The following OR2D3 variants were observed in gnomAD, a reference collection of about 807,000 sequenced individuals.
OR2D3 encodes the protein olfactory receptor family 2 subfamily D member 3, also known as olfactory receptor 2D3.
For synonymous variants in OR2D3, 154 were observed against 145.8 expected, an observed-to-expected ratio of 1.06 and a Z score of -0.40; for missense variants, 409 against 388.8, an observed-to-expected ratio of 1.05 and a Z score of -0.44.
Position 6,921,738 on chromosome 11 carries a change from C to A in OR2D3, c.737C>A (p.Ser246Tyr), listed in dbSNP as rs1416428946. The change falls in exon 1 of 1, where the codon TCT becomes TAT. Residue 246 changes from serine to tyrosine, a missense_variant. By Grantham distance (144) the Ser-to-Tyr change is moderately radical. Transcript: ENST00000317834. ...ATCTCCACTGTTATCCAGATGCAGT[C>A]TGGGGAAGGGAGACTCAAGGCTTTT... ...NIISTVIQMQSGEGRLKAFST... is the reference protein window; with the variant it reads ...NIISTVIQMQYGEGRLKAFST... The A allele has an allele frequency of 6.5e-7, 1 of 1,535,988 alleles. No homozygotes were observed. The highest frequency in any genetic ancestry group is 1.4e-5 in the African/African-American group (1 of 72,118).
In OR2D3 at chr11:6,921,985, T is replaced by G; in HGVS notation, c.984T>G (p.His328Gln). Residue 328 changes from histidine to glutamine, a missense_variant, in exon 1 of 1, where the codon CAT (histidine) becomes CAG (glutamine). By Grantham distance (24) the His-to-Gln change is conservative. Transcript: ENST00000317834. The stretch of plus-strand genomic sequence containing the variant: ...TAGTTGGGAGAAAGTGCTTCTCTCA[T>G]AGGCAGTGACCTCTGAGTCTGACTT... ...RKLVGRKCFS[H>Q]RQ is the part of the protein sequence containing the mutation. 6.2e-7 allele frequency: 1 copy of G among 1,613,524 alleles called. No homozygotes were observed. The highest frequency in any genetic ancestry group is 1.1e-5 in the South Asian group (1 of 90,946).
rs763609016 is a variant in OR2D3, at chr11:6,921,147, T to G, written c.146T>G (p.Ile49Ser). ...ATCCTGCTATTTATCCTTTTCCTCA[T>G]CATTTATCTGCTGACCGTGCTTGGA... ...TQILLFILFL[I>S]IYLLTVLGNQ... Residue 49 changes from isoleucine to serine, a missense_variant, in exon 1 of 1, where the codon ATC becomes AGC. Transcript: ENST00000317834. 1.2e-6 allele frequency: 2 copies of G among 1,614,200 alleles called. No homozygotes were observed. The highest frequency in any genetic ancestry group is 1.7e-6 in the Non-Finnish European group (2 of 1,180,018).
At position 6,921,810 on chromosome 11, in the gene OR2D3, C is replaced by T. The variant is rs540097297; in HGVS notation, c.809C>T (p.Ser270Leu). The change falls in exon 1 of 1, where the codon TCA (serine) becomes TTA (leucine). Residue 270 changes from serine (S) to leucine (L), a missense_variant. Physicochemically the swap from Ser to Leu is moderately radical, Grantham distance 145 (BLOSUM62 -2). Coordinates refer to ENST00000317834, the MANE Select transcript of OR2D3 (RefSeq NM_001004684.1). ...ATTGTTGTTGTCCTCTTCTATGGGT[C>T]AGGAATATTCACCTACATGCGACCA... ...HLIVVVLFYG[S>L]GIFTYMRPNS... The T allele has an allele frequency of 8.2e-6, 13 of 1,579,522 alleles. No individual in the cohort carries two copies. In the East Asian group the frequency reaches 2.2e-4, roughly 27 times the overall value.
At position 6,921,187 on chromosome 11, in the gene OR2D3, C is replaced by T; in HGVS notation, c.186C>T (p.Ile62=). The change falls in exon 1 of 1, where the codon ATC becomes ATT. Residue 62 remains isoleucine, a synonymous_variant. Transcript: ENST00000317834. ...LLTVLGNQLI[I]ILIFLDSRLH... ...CCGTGCTTGGAAACCAGCTCATCAT[C>T]ATTCTCATCTTCCTGGATTCTCGCC... 1.2e-6 allele frequency: 2 copies of T among 1,614,082 alleles called. No individual in the cohort carries two copies. The highest frequency in any genetic ancestry group is 8.5e-7 in the Non-Finnish European group (1 of 1,179,974).
rs372928530 is a variant in OR2D3, at chr11:6,921,163, C to T, written c.162C>T (p.Thr54=). 8.1e-5 allele frequency: 131 copies of T among 1,613,962 alleles called. No individual in the cohort carries two copies. The highest frequency in any genetic ancestry group is 1.0e-4 in the Non-Finnish European group (119 of 1,180,006). ...FILFLIIYLL[T]VLGNQLIIIL... ...TTTTCCTCATCATTTATCTGCTGAC[C>T]GTGCTTGGAAACCAGCTCATCATCA... is the stretch of plus-strand genomic sequence containing the variant. The change falls in exon 1 of 1, where the codon ACC becomes ACT. Residue 54 remains threonine (T), a synonymous_variant. Coordinates refer to ENST00000317834, the MANE Select transcript of OR2D3 (RefSeq NM_001004684.1).
Position 6,921,950 on chromosome 11 carries a change from C to G in OR2D3, c.949C>G (p.Leu317Val). 2.5e-6 allele frequency: 4 copies of G among 1,614,168 alleles called. No individual in the cohort carries two copies. The highest frequency in any genetic ancestry group is 3.4e-6 in the Non-Finnish European group (4 of 1,180,020). ...GAGGAACAAAGATGTCAAAGGGGCTCTCAGGAAACTAGTTGGGAGAAAGTG... is the reference window on the plus strand; with the variant it reads ...GAGGAACAAAGATGTCAAAGGGGCTGTCAGGAAACTAGTTGGGAGAAAGTG... ...SLRNKDVKGALRKLVGRKCFS... is the reference protein window; with the variant it reads ...SLRNKDVKGAVRKLVGRKCFS... Residue 317 changes from leucine to valine, a missense_variant, in exon 1 of 1, where the codon CTC becomes GTC. By Grantham distance (32) the Leu-to-Val change is conservative. Coordinates refer to ENST00000317834, the MANE Select transcript of OR2D3 (RefSeq NM_001004684.1).
Position 6,921,658 on chromosome 11 carries a change from C to A in OR2D3, c.657C>A (p.Gly219=). ...CAGAAATGGCCATCTTTTCAATGGG[C>A]GTGGTAATCCTCCTGGCCCCTGTCT... ...YSTEMAIFSM[G]VVILLAPVSL... The change falls in exon 1 of 1, where the codon GGC becomes GGA. Residue 219 remains glycine (G), a synonymous_variant. Transcript: ENST00000317834. 1 of 1,577,186 alleles carries A rather than the reference C, an allele frequency of 6.3e-7. No homozygotes were observed. Among genetic ancestry groups the A allele is most frequent in the Admixed American group, 1.8e-5 (1 of 55,336 alleles).
In OR2D3 at chr11:6,921,732, T is replaced by G; in HGVS notation, c.731T>G (p.Met244Arg). 1.3e-6 allele frequency: 2 copies of G among 1,537,410 alleles called. No homozygotes were observed. The highest frequency in any genetic ancestry group is 1.7e-6 in the Non-Finnish European group (2 of 1,146,128). The change falls in exon 1 of 1, where the codon ATG (methionine) becomes AGG (arginine). Residue 244 changes from methionine (M) to arginine (R), a missense_variant. Physicochemically the swap from Met to Arg is moderately conservative, Grantham distance 91. Coordinates refer to ENST00000317834, the MANE Select transcript of OR2D3 (RefSeq NM_001004684.1). Reference sequence around the variant, plus strand: ...AATATTATCTCCACTGTTATCCAGATGCAGTCTGGGGAAGGGAGACTCAAG... The same window carrying G: ...AATATTATCTCCACTGTTATCCAGAGGCAGTCTGGGGAAGGGAGACTCAAG... The part of the protein sequence containing the change: ...YWNIISTVIQ[M>R]QSGEGRLKAF...
Position 6,921,981 on chromosome 11 carries a change from C to G in OR2D3, c.980C>G (p.Ser327Cys), listed in dbSNP as rs767200797. The change falls in exon 1 of 1, where the codon TCT becomes TGT. Residue 327 changes from serine to cysteine, a missense_variant. Ser to Cys is a moderately radical substitution (Grantham distance 112). Transcript: ENST00000317834. ...AAACTAGTTGGGAGAAAGTGCTTCT[C>G]TCATAGGCAGTGACCTCTGAGTCTG... is the stretch of plus-strand genomic sequence containing the variant. ...LRKLVGRKCF[S>C]HRQ 6.2e-7 allele frequency: 1 copy of G among 1,613,824 alleles called. No individual in the cohort carries two copies. The highest frequency in any genetic ancestry group is 1.7e-4 in the Middle Eastern group (1 of 6,058).
At position 6,921,993 on chromosome 11, in the gene OR2D3, G is replaced by T; in HGVS notation, c.992G>T (p.Ter331LeuextTer?). The part of the protein sequence containing the change: ...VGRKCFSHRQ[*>L] ...AGAAAGTGCTTCTCTCATAGGCAGT[G>T]ACCTCTGAGTCTGACTTTTAGAGCT... is the stretch of plus-strand genomic sequence containing the variant. Residue 331 changes from the stop codon to leucine, a stop_lost, in exon 1 of 1, where the codon TGA becomes TTA. Transcript: ENST00000317834. 6.2e-7 allele frequency: 1 copy of T among 1,611,864 alleles called. No individual in the cohort carries two copies.
In OR2D3 at chr11:6,921,547, T is replaced by A. The variant is rs1848950252; in HGVS notation, c.546T>A (p.Leu182=). Reference sequence around the variant, plus strand: ...TAGATACCAGCTTTACTTTCCATCTTCCCTACTGGGGACAGAATATAATCA... The same window carrying A: ...TAGATACCAGCTTTACTTTCCATCTACCCTACTGGGGACAGAATATAATCA... ...SLVDTSFTFH[L]PYWGQNIINH... is the part of the protein sequence containing the mutation. Residue 182 remains leucine, a synonymous_variant, in exon 1 of 1, where the codon CTT becomes CTA. Coordinates refer to ENST00000317834, the MANE Select transcript of OR2D3 (RefSeq NM_001004684.1). 6.2e-7 allele frequency: 1 copy of A among 1,613,996 alleles called. No homozygotes were observed. The highest frequency in any genetic ancestry group is 1.3e-5 in the African/African-American group (1 of 74,910).
Position 6,921,440 on chromosome 11 carries a change from T to C in OR2D3, c.439T>C (p.Tyr147His). 1 of 1,613,228 alleles carries C rather than the reference T, an allele frequency of 6.2e-7. No homozygotes were observed. The highest frequency in any genetic ancestry group is 8.5e-7 in the Non-Finnish European group (1 of 1,179,562). ...DRYVAVCKPL[Y>H]YSTIMTQRVC... ...GTATGTGGCTGTCTGCAAGCCCCTGTACTACTCTACCATCATGACACAACG... is the reference window on the plus strand; with the variant it reads ...GTATGTGGCTGTCTGCAAGCCCCTGCACTACTCTACCATCATGACACAACG... Residue 147 changes from tyrosine (Y) to histidine (H), a missense_variant, in exon 1 of 1, where the codon TAC becomes CAC. Transcript: ENST00000317834.
In OR2D3 at chr11:6,921,545, C is replaced by T; in HGVS notation, c.544C>T (p.Leu182Phe). The T allele has an allele frequency of 6.2e-7, 1 of 1,614,196 alleles. No homozygotes were observed. The highest frequency in any genetic ancestry group is 1.1e-5 in the South Asian group (1 of 91,080). The change falls in exon 1 of 1, where the codon CTT (leucine) becomes TTT (phenylalanine). Residue 182 changes from leucine (L) to phenylalanine (F), a missense_variant. Coordinates refer to ENST00000317834, the MANE Select transcript of OR2D3 (RefSeq NM_001004684.1). ...SLVDTSFTFH[L>F]PYWGQNIINH... is the part of the protein sequence containing the mutation. ...AGTAGATACCAGCTTTACTTTCCAT[C>T]TTCCCTACTGGGGACAGAATATAAT...
In OR2D3 at chr11:6,921,626, T is replaced by TA; in HGVS notation, c.626dup (p.Tyr209Ter). 1 of 1,602,890 alleles carries TA rather than the reference T, an allele frequency of 6.2e-7. No individual in the cohort carries two copies. Among genetic ancestry groups the TA allele is most frequent in the Non-Finnish European group, 8.5e-7 (1 of 1,174,894 alleles). ...ALLKLASIDT[Y>*]STEMAIFSMG... is the part of the protein sequence containing the mutation. ...CCTGAAGCTGGCTTCCATAGACACT[T>TA]ACAGCACAGAAATGGCCATCTTTTC... The change falls in exon 1 of 1, where the codon TAC (tyrosine) becomes TAAC (stop). Residue 209 changes from tyrosine (Y) to a stop codon, truncating the protein, a stop_gained and frameshift_variant. Coordinates refer to ENST00000317834, the MANE Select transcript of OR2D3 (RefSeq NM_001004684.1). LOFTEE classifies it high-confidence loss of function.
Position 6,921,911 on chromosome 11 carries a change from A to G in OR2D3, c.910A>G (p.Ile304Val). The G allele has an allele frequency of 1.2e-6, 2 of 1,614,160 alleles. No homozygotes were observed. The highest frequency in any genetic ancestry group is 8.5e-7 in the Non-Finnish European group (1 of 1,180,014). The change falls in exon 1 of 1, where the codon ATA (isoleucine) becomes GTA (valine). Residue 304 changes from isoleucine (I) to valine (V), a missense_variant. Transcript: ENST00000317834. Reference sequence around the variant, plus strand: ...AGCGGTGACTCCAATGTTGAACCCCATAATTTATAGCTTGAGGAACAAAGA... The same window carrying G: ...AGCGGTGACTCCAATGTTGAACCCCGTAATTTATAGCTTGAGGAACAAAGA... ...YTAVTPMLNP[I>V]IYSLRNKDVK... is the part of the protein sequence containing the mutation.
chr11:6,921,020 T>C lies in OR2D3; in HGVS notation c.19T>C (p.Cys7Arg), dbSNP rs1848941435. 1.9e-6 allele frequency: 3 copies of C among 1,579,582 alleles called. No individual in the cohort carries two copies. The highest frequency in any genetic ancestry group is 2.6e-6 in the Non-Finnish European group (3 of 1,166,064). The change falls in exon 1 of 1, where the codon TGC (cysteine) becomes CGC (arginine). Residue 7 changes from cysteine to arginine, a missense_variant. Coordinates refer to ENST00000317834, the MANE Select transcript of OR2D3 (RefSeq NM_001004684.1). The part of the protein sequence containing the change: MCSFFL[C>R]QTGKQAKISM... ...CAAAAAAATGTGTTCTTTTTTCTTG[T>C]GCCAAACAGGTAAACAGGCAAAAAT...
In OR2D3 at chr11:6,921,885, C is replaced by A. The variant is rs1329886629; in HGVS notation, c.884C>A (p.Thr295Lys). Residue 295 changes from threonine to lysine, a missense_variant, in exon 1 of 1, where the codon ACA (threonine) becomes AAA (lysine). By Grantham distance (78) the Thr-to-Lys change is moderately conservative (BLOSUM62 -1). Transcript: ENST00000317834. ...ELDKMISVFY[T>K]AVTPMLNPII... Reference sequence around the variant, plus strand: ...GATAAAATGATATCTGTGTTCTATACAGCGGTGACTCCAATGTTGAACCCC... The same window carrying A: ...GATAAAATGATATCTGTGTTCTATAAAGCGGTGACTCCAATGTTGAACCCC... 4 of 1,613,566 alleles carry A rather than the reference C, an allele frequency of 2.5e-6. No individual in the cohort carries two copies. In the African/African-American group the frequency reaches 5.3e-5, roughly 22 times the overall value.
At position 6,921,957 on chromosome 11, in the gene OR2D3, A is replaced by C. The variant is rs777188447; in HGVS notation, c.956A>C (p.Lys319Thr). ...RNKDVKGALR[K>T]LVGRKCFSHR... ...AAAGATGTCAAAGGGGCTCTCAGGA[A>C]ACTAGTTGGGAGAAAGTGCTTCTCT... The change falls in exon 1 of 1, where the codon AAA becomes ACA. Residue 319 changes from lysine (K) to threonine (T), a missense_variant. Physicochemically the swap from Lys to Thr is moderately conservative, Grantham distance 78. Transcript: ENST00000317834. 6.2e-7 allele frequency: 1 copy of C among 1,614,188 alleles called. No homozygotes were observed. The highest frequency in any genetic ancestry group is 1.1e-5 in the South Asian group (1 of 91,084).
In OR2D3 at chr11:6,921,283, C is replaced by T; in HGVS notation, c.282C>T (p.Val94=). 1.2e-6 allele frequency: 2 copies of T among 1,614,088 alleles called. No individual in the cohort carries two copies. Among genetic ancestry groups the T allele is most frequent in the Non-Finnish European group, 8.5e-7 (1 of 1,179,974 alleles). ...FADLCFSTSI[V]PQVLVHFLVK... ...ATCTCTGTTTCTCTACTAGCATTGTCCCTCAAGTGTTGGTTCACTTCTTGG... is the reference window on the plus strand; with the variant it reads ...ATCTCTGTTTCTCTACTAGCATTGTTCCTCAAGTGTTGGTTCACTTCTTGG... The change falls in exon 1 of 1, where the codon GTC becomes GTT. Residue 94 remains valine, a synonymous_variant. Transcript: ENST00000317834.
Sources: allele counts gnomAD v4.1 joint callset, GRCh38; gene constraint gnomAD v4.1.1; transcripts MANE v1.5; gene names NCBI Gene and HGNC (gene_info 2026-07-23, HGNC 2026-07-21).